The following SLCO1B3 variants were observed in gnomAD, a reference collection of about 807,000 sequenced individuals.
SLCO1B3 encodes solute carrier organic anion transporter family member 1B3.
Under a neutral mutation model 71.8 loss-of-function variants are expected in SLCO1B3, and 72 were observed. The ratio of observed to expected loss-of-function variants is 1.00; its 90% CI spans 0.83 to 1.22. The LOEUF (loss-of-function observed/expected upper bound fraction) is 1.22, where lower values mean the gene tolerates loss of function less well. Among genes scored for constraint, SLCO1B3 ranks in the 50% most tolerant of loss-of-function variants. The pLI, the probability that SLCO1B3 is intolerant of heterozygous loss-of-function variation, is 0.00. For synonymous variants in SLCO1B3, 298 were observed against 278.4 expected (o/e 1.07, Z -0.70); for missense variants, 911 against 819.7 (o/e 1.11, Z -1.36).
chr12:20,873,482 C>G (rs6487171), intron 8 of SLCO1B3, among the ~76,000 whole-genome samples: 110,621 of 152,016 alleles, frequency 0.73, 42,706 homozygotes, highest in South Asian at 0.9. Flanking sequence ...GCTGGGTCCT[C>G]TCAGTACTTC....
chr12:20,887,696 ATT>A (rs879313729), intron 13 of SLCO1B3, among the ~76,000 whole-genome samples: 3 of 141,934 alleles, frequency 2.1e-5, no homozygotes, highest in African/African-American at 5.1e-5. Context: ...TATTATTATT[ATT>A]TTTTTTTTTA....
At chr12:20,817,546 G>A (rs1418002728) in intron 3 of SLCO1B3, among the ~76,000 whole-genome samples, 2 of 152,064 alleles carry the variant, frequency 1.3e-5, no homozygotes, top group African/African-American at 4.8e-5. Context: ...CTATGTGTCT[G>A]TTTATATGCC....
At chr12:20,909,870 G>A (rs1002258373) in intron 15 of SLCO1B3, among the ~76,000 whole-genome samples, 1 of 152,030 alleles carries the variant, frequency 6.6e-6, no homozygotes, top group Non-Finnish European at 1.5e-5. Flanking sequence ...TTCTTAGTTA[G>A]TCCATTAATA....
chr12:20,890,101 T>C (rs983916657), intron 13 of SLCO1B3, among the ~76,000 whole-genome samples: 1 of 151,732 alleles, frequency 6.6e-6, no homozygotes, highest in Non-Finnish European at 1.5e-5. Context: ...TTATTTGTAA[T>C]AGAGACGGGG....
chr12:20,826,128 C>G (rs1040968323), intron 3 of SLCO1B3, among the ~76,000 whole-genome samples: 5 of 151,624 alleles, frequency 3.3e-5, no homozygotes, highest in Non-Finnish European at 7.4e-5. Context: ...GAGTGTGTTC[C>G]GGGTGATAAA....
intron 15 of SLCO1B3, chr12:20,901,957 G>A: frequency 7.1e-6 from 3 of 420,464 alleles, no homozygotes; most frequent in South Asian, 1.7e-5. Flanking sequence ...GAAACAAAAA[G>A]CTGCTGCAAT....
intron 5 of SLCO1B3, among the ~76,000 whole-genome samples, chr12:20,859,338 C>T (rs960699038): frequency 1.3e-5 from 2 of 152,098 alleles, no homozygotes; most frequent in African/African-American, 4.8e-5. Context: ...TCCAGGCTTC[C>T]GTATTTCCAG....
At chr12:20,840,933 G>T (rs1388100308) in intron 3 of SLCO1B3, among the ~76,000 whole-genome samples, 2 of 152,126 alleles carry the variant, frequency 1.3e-5, no homozygotes, top group Non-Finnish European at 1.5e-5. Context: ...AGAATGAGAA[G>T]ATTTTTCTCC....
intron 3 of SLCO1B3, among the ~76,000 whole-genome samples, chr12:20,849,918 T>G (rs1239859699): frequency 6.6e-6 from 1 of 151,820 alleles, no homozygotes; most frequent in African/African-American, 2.4e-5. Context: ...AAGACCCACA[T>G]AAATGGAAAA....
At chr12:20,834,645 T>C (rs2121146308) in intron 3 of SLCO1B3, among the ~76,000 whole-genome samples, 1 of 152,114 alleles carries the variant, frequency 6.6e-6, no homozygotes, top group East Asian at 1.9e-4. Context: ...GCTCAGTGTG[T>C]ATAAGCTGAA....
intron 1 of SLCO1B3, among the ~76,000 whole-genome samples, chr12:20,811,527 G>A (rs868248051): frequency 4.6e-5 from 7 of 152,156 alleles, no homozygotes; most frequent in Non-Finnish European, 8.8e-5. Context: ...ATAGGTACAT[G>A]CTAGAAACTG....
intron 15 of SLCO1B3, among the ~76,000 whole-genome samples, chr12:20,906,222 A>G (rs1591792226): frequency 1.3e-5 from 2 of 152,190 alleles, no homozygotes; most frequent in East Asian, 1.9e-4. Context: ...TTAAACTCAT[A>G]TAGCTAAATA....
intron 13 of SLCO1B3, among the ~76,000 whole-genome samples, chr12:20,890,673 G>A (rs1178861093): frequency 6.6e-6 from 1 of 152,158 alleles, no homozygotes; most frequent in Non-Finnish European, 1.5e-5. Context: ...AGGCCCAGTA[G>A]TGTTTGTTTT....
At chr12:20,892,283 G>A (rs1357417869) in intron 13 of SLCO1B3, among the ~76,000 whole-genome samples, 1 of 152,134 alleles carries the variant, frequency 6.6e-6, no homozygotes, top group Admixed American at 6.6e-5. Flanking sequence ...CTATATTGAA[G>A]AGGATAGAGA....
intron 3 of SLCO1B3, among the ~76,000 whole-genome samples, chr12:20,819,824 G>C (rs1026126286): frequency 2.0e-5 from 3 of 152,090 alleles, no homozygotes; most frequent in African/African-American, 7.2e-5. Context: ...CGGTCACCAA[G>C]GAGGGAGTAG....
At position 20,901,380 on chromosome 12, in the gene SLCO1B3, C is replaced by A; in HGVS notation, c.1778C>A (p.Ala593Asp). 3.1e-6 allele frequency: 5 copies of A among 1,588,458 alleles called. No individual in the cohort carries two copies. Among genetic ancestry groups the A allele is most frequent in the South Asian group, 1.2e-5 (1 of 84,790 alleles). ...GGILAPIYFG[A>D]LIDKTCMKWS... Reference sequence around the variant, plus strand: ...ATTCTAGCTCCAATATATTTTGGGGCTCTGATTGATAAAACATGTATGAAG... The same window carrying A: ...ATTCTAGCTCCAATATATTTTGGGGATCTGATTGATAAAACATGTATGAAG... Residue 593 changes from alanine to aspartate, a missense_variant, in exon 15 of 16, where the codon GCT becomes GAT. Coordinates refer to ENST00000381545, the MANE Select transcript of SLCO1B3 (RefSeq NM_019844.4).
intron 13 of SLCO1B3, among the ~76,000 whole-genome samples, chr12:20,886,135 G>C (rs992360141): frequency 1.3e-5 from 2 of 152,054 alleles, no homozygotes; most frequent in African/African-American, 2.4e-5. Flanking sequence ...TGATCCCAAG[G>C]TTCTGGCCTG....
intron 15 of SLCO1B3, among the ~76,000 whole-genome samples, chr12:20,914,712 C>T (rs1405598318): frequency 6.6e-6 from 1 of 152,052 alleles, no homozygotes; most frequent in East Asian, 1.9e-4. Flanking sequence ...GCAAAACAGT[C>T]CCTCAATTTT....
chr12:20,849,170 A>G (rs149803359), intron 3 of SLCO1B3, among the ~76,000 whole-genome samples: 5,378 of 152,092 alleles, frequency 0.035, 139 homozygotes, highest in Admixed American at 0.077. Flanking sequence ...AAATTTTTCA[A>G]GAAAATACTA....
Sources: gnomAD v4.1 joint callset for allele counts (sites outside exome capture counted in the v4.1 genomes callset) on GRCh38, gnomAD v4.1.1 for gene constraint, MANE v1.5 for transcripts, NCBI Gene and HGNC (gene_info 2026-07-23, HGNC 2026-07-21) for gene names.